The following GOLGA1 variants were observed in gnomAD, a reference collection of about 807,000 sequenced individuals.
GOLGA1 encodes golgin A1.
In GOLGA1, 63 loss-of-function variants were observed where a neutral mutation model predicts 119.7. The ratio of observed to expected loss-of-function variants is 0.53; its 90% confidence interval spans 0.43 to 0.65. The LOEUF (loss-of-function observed/expected upper bound fraction) is 0.65. Among genes scored for constraint, GOLGA1 ranks in the 30% least tolerant of loss-of-function variants. The pLI, the probability that GOLGA1 is intolerant of heterozygous loss-of-function variation, is 0.00. For missense variants in GOLGA1, 798 were observed against 912.8 expected, an observed-to-expected ratio of 0.87 and a Z score of 1.62; for synonymous variants, 318 against 333.4, an observed-to-expected ratio of 0.95 and a Z score of 0.50.
In GOLGA1 at chr9:124,921,381, G is replaced by C; in HGVS notation, c.732-141C>G. ...CACATGCAGGTTTTCAACGGAAAAAGCCTCGGCTCTCTCTGAAGCAGGAGC... is the reference window on the plus strand; with the variant it reads ...CACATGCAGGTTTTCAACGGAAAAACCCTCGGCTCTCTCTGAAGCAGGAGC... On this transcript the variant is annotated intron_variant, in intron 9 of 22. Transcript: ENST00000373555. 5 of 647,698 alleles carry C rather than the reference G, an allele frequency of 7.7e-6. No homozygotes were observed. The East Asian group carries it at 1.3e-4, about 17-fold the overall frequency. The allele number at this position is 647,698 out of a possible 1,614,324, so 40.1% of individuals were successfully genotyped here. A position where few individuals can be genotyped will look rare whatever the true frequency, so the allele number is the denominator to read the frequency against.
intron 15 of GOLGA1, among the ~76,000 whole-genome samples, chr9:124,894,293 C>T (rs1025847686): frequency 1.3e-5 from 2 of 152,132 alleles, no homozygotes; most frequent in Non-Finnish European, 2.9e-5. Flanking sequence ...TCATTTTGGC[C>T]TCTTTTCTAT....
At position 124,882,486 on chromosome 9, in the gene GOLGA1, GCCAGCTCCCATGCGAGTACTCA is replaced by G. The variant is rs1564318754; in HGVS notation, c.1965+2_1965+23del. 6.3e-7 allele frequency: 1 copy of G among 1,585,102 alleles called. No individual in the cohort carries two copies. Among genetic ancestry groups the G allele is most frequent in the Non-Finnish European group, 8.7e-7 (1 of 1,155,958 alleles). The stretch of plus-strand genomic sequence containing the variant: ...AGCAGGGGGAGTGCTGGGAAGTGGG[GCCAGCTCCCATGCGAGTACTCA>G]CCAGCTCCTTCTGCAGAGTCTTCCG... On this transcript the variant is annotated splice_donor_variant and splice_donor_5th_base_variant and intron_variant, in intron 20 of 22. Transcript: ENST00000373555. LOFTEE classifies it high-confidence loss of function.
At chr9:124,910,746 TG>T (rs1329584154) in intron 11 of GOLGA1, among the ~76,000 whole-genome samples, 4 of 152,082 alleles carry the variant, frequency 2.6e-5, no homozygotes, top group African/African-American at 9.7e-5. Context: ...GTCACATCAG[TG>T]GTGGTGTTAG....
At chr9:124,926,660 C>T (rs1433297297) in intron 7 of GOLGA1, 49 bp downstream of exon 7, 4 of 1,236,720 alleles carry the variant, frequency 3.2e-6, no homozygotes, top group Admixed American at 3.4e-5. Context: ...TTTTCCATAC[C>T]CCAGAGACGA....
At chr9:124,926,359 C>G (rs958678742) in intron 7 of GOLGA1, among the ~76,000 whole-genome samples, 1 of 152,158 alleles carries the variant, frequency 6.6e-6, no homozygotes, top group African/African-American at 2.4e-5. Flanking sequence ...AACATCCTGA[C>G]CACATCTTCT....
chr9:124,901,272 A>AT (rs35565039), intron 12 of GOLGA1, among the ~76,000 whole-genome samples: 2,205 of 109,998 alleles, frequency 0.02, 30 homozygotes, highest in African/African-American at 0.042. Flanking sequence ...TGCCCGGCCT[A>AT]TTTTTTTTTT....
intron 12 of GOLGA1, among the ~76,000 whole-genome samples, chr9:124,907,717 A>C (rs565144388): frequency 1.8e-4 from 28 of 152,370 alleles, no homozygotes; most frequent in African/African-American, 6.0e-4. Flanking sequence ...AAACTCATTA[A>C]TCACCATAGC....
intron 4 of GOLGA1, 77 bp from the exon 5 acceptor site, chr9:124,929,367 A>G (rs1830732460): frequency 1.2e-6 from 1 of 865,440 alleles, no homozygotes; most frequent in Admixed American, 1.9e-5. Flanking sequence ...AAAAAAATGA[A>G]TGGAAATGAT....
intron 2 of GOLGA1, among the ~76,000 whole-genome samples, chr9:124,939,163 G>C (rs1314489099): frequency 6.6e-6 from 1 of 151,286 alleles, no homozygotes; most frequent in African/African-American, 2.4e-5. Flanking sequence ...TTAATTACAT[G>C]TTGGCTATGA....
chr9:124,890,502 C>A, intron 15 of GOLGA1, 24 bp from the exon 16 acceptor site: 1 of 1,562,394 alleles, frequency 6.4e-7, no homozygotes, highest in Non-Finnish European at 8.8e-7. Context: ...AACCACTGAG[C>A]CCCAAAACTT....
intron 7 of GOLGA1, 61 bp downstream of exon 7, chr9:124,926,648 C>T: frequency 5.7e-6 from 6 of 1,053,184 alleles, no homozygotes; most frequent in Admixed American, 1.7e-5. Context: ...CCGGATAAAA[C>T]GTTTTCCATA....
Position 124,889,146 on chromosome 9 carries a change from C to A in GOLGA1, c.1758G>T (p.Ser586=), listed in dbSNP as rs772337517. ...TGCAGGTGCAGCTGGGACTTACGTG[C>A]GACTCATTGACTGAGAGTGCTTCGG... The part of the protein sequence containing the change: ...LQAEALSVNE[S]HVTSRAMQDP... Residue 586 remains serine (S), a synonymous_variant, in exon 18 of 23, where the codon TCG becomes TCT. Coordinates refer to ENST00000373555, the MANE Select transcript of GOLGA1 (RefSeq NM_002077.4). 1.9e-6 allele frequency: 3 copies of A among 1,606,776 alleles called. No homozygotes were observed. The highest frequency in any genetic ancestry group is 1.7e-6 in the Non-Finnish European group (2 of 1,176,682).
chr9:124,894,830 A>C (rs1829927666), intron 15 of GOLGA1, among the ~76,000 whole-genome samples: 1 of 152,204 alleles, frequency 6.6e-6, no homozygotes, highest in Admixed American at 6.5e-5. Flanking sequence ...GCTCCTAAGC[A>C]TCTTATCATG....
intron 6 of GOLGA1, among the ~76,000 whole-genome samples, chr9:124,927,784 G>A (rs1251641823): frequency 6.6e-6 from 1 of 152,170 alleles, no homozygotes; most frequent in African/African-American, 2.4e-5. Flanking sequence ...GAGGTTGGAA[G>A]AACTCTGTAT....
Position 124,890,372 on chromosome 9 carries a change from C to G in GOLGA1, c.1497+17G>C. On this transcript the variant is annotated intron_variant, in intron 16 of 22. Transcript: ENST00000373555. Reference sequence around the variant, plus strand: ...ACTGCAGGGGGACATCGCCCCTCAGCGTGAAACAGGGCCCACCTGTTGCTG... The same window carrying G: ...ACTGCAGGGGGACATCGCCCCTCAGGGTGAAACAGGGCCCACCTGTTGCTG... 1 of 1,563,766 alleles carries G rather than the reference C, an allele frequency of 6.4e-7. No individual in the cohort carries two copies. The highest frequency in any genetic ancestry group is 1.1e-5 in the South Asian group (1 of 90,126).
At chr9:124,884,868 AC>A (rs1173130838) in intron 19 of GOLGA1, among the ~76,000 whole-genome samples, 4 of 152,174 alleles carry the variant, frequency 2.6e-5, no homozygotes, top group Non-Finnish European at 5.9e-5. Context: ...AGAAACGGCA[AC>A]AAAAAAGTCA....
chr9:124,935,183 G>A (rs1029182074), intron 3 of GOLGA1, among the ~76,000 whole-genome samples: 1 of 152,180 alleles, frequency 6.6e-6, no homozygotes, highest in African/African-American at 2.4e-5. Flanking sequence ...GATCAGAAGT[G>A]TTTTGGAGTT....
chr9:124,885,343 G>A (rs1447654499), intron 19 of GOLGA1, among the ~76,000 whole-genome samples: 1 of 149,670 alleles, frequency 6.7e-6, no homozygotes, highest in Admixed American at 6.7e-5. Flanking sequence ...AAATTAGCCA[G>A]GCGTGATCGT....
Position 124,899,021 on chromosome 9 carries a change from C to T in GOLGA1, c.1311+308G>A, listed in dbSNP as rs113559568. On this transcript the variant is annotated intron_variant, in intron 14 of 22. Transcript: ENST00000373555. ...GACCAGCCTGGGCAACACAGTGAGA[C>T]CTTGTCTCTCCAAAAAATTTAAAAA... Among the ~76,000 whole-genome samples, 1,487 of 152,066 alleles carry T rather than the reference C, an allele frequency of 9.8e-3. 21 individuals carry two copies. The highest frequency in any genetic ancestry group is 0.034 in the African/African-American group (1,416 of 41,462).
Sources: gnomAD v4.1 joint callset for allele counts (sites outside exome capture counted in the v4.1 genomes callset) on GRCh38, gnomAD v4.1.1 for gene constraint, MANE v1.5 for transcripts, NCBI Gene and HGNC (gene_info 2026-07-23, HGNC 2026-07-21) for gene names.